Variants in PTPRF observed in about 807,000 individuals in gnomAD.
PTPRF encodes the protein receptor-type tyrosine-protein phosphatase F.
In PTPRF, 59 loss-of-function variants were observed where a neutral mutation model predicts 201.8. The ratio of observed to expected loss-of-function variants is 0.29; its 90% CI spans 0.24 to 0.36. The LOEUF (loss-of-function observed/expected upper bound fraction) is 0.36. PTPRF is among the 10% of genes least tolerant of loss of function. PTPRF has a pLI of 1.00. For missense variants in PTPRF, 2,132 were observed against 2,690.5 expected (o/e 0.79, Z 4.59); for synonymous variants, 1,088 against 1,089.7 (o/e 1.00, Z 0.03).
At chr1:43,562,149 C>G (rs1645848680) in intron 5 of PTPRF, among the ~76,000 whole-genome samples, 1 of 151,928 alleles carries the variant, frequency 6.6e-6, no homozygotes, top group Non-Finnish European at 1.5e-5. Context: ...GACTCTGTGG[C>G]CCAGACTGGA....
chr1:43,620,674 C>T, intron 31 of PTPRF, 95 bp downstream of exon 31: 1 of 1,556,330 alleles, frequency 6.4e-7, no homozygotes, highest in South Asian at 1.2e-5. Context: ...CTTCAGAAAT[C>T]TGAGGCGGTG....
intron 11 of PTPRF, among the ~76,000 whole-genome samples, chr1:43,595,120 G>C (rs533768323): frequency 3.3e-5 from 5 of 152,184 alleles, no homozygotes; most frequent in Non-Finnish European, 7.3e-5. Flanking sequence ...AAGCCTAGAC[G>C]TTGCCAGAAA....
chr1:43,553,448 A>G lies in PTPRF; in HGVS notation c.92-44A>G, dbSNP rs981632439. 3.8e-6 allele frequency: 6 copies of G among 1,594,176 alleles called. No individual in the cohort carries two copies. Among genetic ancestry groups the G allele is most frequent in the Middle Eastern group, 1.7e-4 (1 of 6,002 alleles). The stretch of plus-strand genomic sequence containing the variant: ...GCCACCTTCCTCACTGGCCATTCCT[A>G]TAGTGACTGTGCTGTGGTGACTTGG... On this transcript the variant is annotated intron_variant, in intron 3 of 33. Coordinates refer to ENST00000359947, the MANE Select transcript of PTPRF (RefSeq NM_002840.5). This position sits in a 1 kb window ranked among gnomAD's most constrained non-coding sequence, Gnocchi z 4.1.
rs1192862011 is a variant in PTPRF at position 43,577,253 on chromosome 1, G to A, written c.569-1557G>A. ...CTCGACCCCTCAGCGGCCTGAACCC[G>A]ACCTGCTTGAAGGAACATTTTCTGT... On this transcript the variant is annotated intron_variant, in intron 6 of 33. Coordinates refer to ENST00000359947, the MANE Select transcript of PTPRF (RefSeq NM_002840.5). Among the ~76,000 whole-genome samples, 17 of 152,226 alleles carry A rather than the reference G, an allele frequency of 1.1e-4. No individual in the cohort carries two copies. The East Asian group carries it at 1.7e-3, about 16-fold the overall frequency.
At position 43,591,128 on chromosome 1, in the gene PTPRF, T is replaced by C; in HGVS notation, c.1106T>C (p.Val369Ala). 6.2e-7 allele frequency: 1 copy of C among 1,613,696 alleles called. No homozygotes were observed. Among genetic ancestry groups the C allele is most frequent in the Non-Finnish European group, 8.5e-7 (1 of 1,180,030 alleles). Residue 369 changes from valine to alanine, a missense_variant, in exon 9 of 34, where the codon GTG becomes GCG. Physicochemically the swap from Val to Ala is moderately conservative, Grantham distance 64. This residue lies in a region of PTPRF where 351 missense variants were observed against 401.7 expected (regional missense o/e 0.87). Coordinates refer to ENST00000359947, the MANE Select transcript of PTPRF (RefSeq NM_002840.5). ...TEGPFQEVDGVATTRYSIGGL... is the reference protein window; with the variant it reads ...TEGPFQEVDGAATTRYSIGGL... Reference sequence around the variant, plus strand: ...GGCCCCTTTCAGGAGGTGGATGGTGTGGCCACCACCCGCTACAGCATTGGC... The same window carrying C: ...GGCCCCTTTCAGGAGGTGGATGGTGCGGCCACCACCCGCTACAGCATTGGC...
At chr1:43,615,713 C>T (rs1000718765) in intron 23 of PTPRF, among the ~76,000 whole-genome samples, 6 of 151,834 alleles carry the variant, frequency 4.0e-5, no homozygotes, top group African/African-American at 1.2e-4. Context: ...ACTACAGGTG[C>T]CCGCTACCAC....
intron 25 of PTPRF, 88 bp downstream of exon 25, chr1:43,617,999 C>A: frequency 7.2e-7 from 1 of 1,390,368 alleles, no homozygotes; most frequent in East Asian, 2.5e-5. Flanking sequence ...CCGCTTTCTT[C>A]TGTGGAGGAA....
chr1:43,613,821 G>A lies in PTPRF; in HGVS notation c.4071+106G>A, dbSNP rs944295952. The A allele has an allele frequency of 6.2e-6, 6 of 967,594 alleles. No individual in the cohort carries two copies. The East Asian group carries it at 1.5e-4, about 25-fold the overall frequency. 59.9% of individuals were successfully genotyped at this position (967,594 alleles called of 1,614,324 possible). ...TGGTGGGTGAGGAAGCAGGGGTCCA[G>A]CTTTTTCAGGAGCACAGAGAGGAGG... On this transcript the variant is annotated intron_variant, in intron 23 of 33. Coordinates refer to ENST00000359947, the MANE Select transcript of PTPRF (RefSeq NM_002840.5).
upstream of PTPRF, among the ~76,000 whole-genome samples, chr1:43,524,902 C>T (rs534850448): frequency 2.9e-4 from 44 of 152,276 alleles, no homozygotes; most frequent in South Asian, 4.1e-4. Context: ...ACAGAGAGTG[C>T]GGTTCCAAGC....
chr1:43,555,808 A>C (rs1165598274), intron 5 of PTPRF, among the ~76,000 whole-genome samples: 1 of 152,172 alleles, frequency 6.6e-6, no homozygotes, highest in Non-Finnish European at 1.5e-5. Context: ...TTATTTAGCC[A>C]TTCCCTTATT....
upstream of PTPRF, among the ~76,000 whole-genome samples, chr1:43,529,459 C>G (rs979433678): frequency 6.6e-6 from 1 of 152,216 alleles, no homozygotes; most frequent in Non-Finnish European, 1.5e-5. Flanking sequence ...GGCACCTCAA[C>G]GATCTCCAAA....
chr1:43,583,072 C>T (rs1648153857), intron 7 of PTPRF: 6 of 985,688 alleles, frequency 6.1e-6, no homozygotes, highest in Non-Finnish European at 7.2e-6. Context: ...CCCAAACTCT[C>T]ATCTCTCAGA....
rs1300227430 is a variant in PTPRF, at chr1:43,605,548, G to A, written c.3409G>A (p.Val1137Met). 6.2e-7 allele frequency: 1 copy of A among 1,614,136 alleles called. No individual in the cohort carries two copies. ...SLVRWFYIVV[V>M]PIDRVGGSML... Reference sequence around the variant, plus strand: ...ACCCAGGTGGTTCTACATTGTTGTGGTGCCCATTGACCGTGTGGGCGGGAG... The same window carrying A: ...ACCCAGGTGGTTCTACATTGTTGTGATGCCCATTGACCGTGTGGGCGGGAG... The change falls in exon 19 of 34, where the codon GTG becomes ATG. Residue 1137 changes from valine to methionine, a missense_variant. Physicochemically the swap from Val to Met is conservative, Grantham distance 21. This residue lies in a region of PTPRF where 818 missense variants were observed against 915.3 expected (regional missense o/e 0.89). Transcript: ENST00000359947.
chr1:43,605,447 T>G lies in PTPRF; in HGVS notation c.3389+4T>G, dbSNP rs1205555411. 5 of 1,609,784 alleles carry G rather than the reference T, an allele frequency of 3.1e-6. No individual in the cohort carries two copies. Among genetic ancestry groups the G allele is most frequent in the Non-Finnish European group, 4.3e-6 (5 of 1,176,450 alleles). On this transcript the variant is annotated splice_donor_region_variant and intron_variant, in intron 18 of 33. Transcript: ENST00000359947. ...TGCAAGACCCCTCGCTTGTCAGGTG[T>G]GCACACGAGGTATCGGGGGAGGCGG...
chr1:43,616,036 A>G (rs1657777555), intron 23 of PTPRF, among the ~76,000 whole-genome samples: 1 of 151,964 alleles, frequency 6.6e-6, no homozygotes, highest in Non-Finnish European at 1.5e-5. Context: ...CCTGGTGTTG[A>G]ATAGTACCGA....
chr1:43,619,448 G>T lies in PTPRF; in HGVS notation c.4807G>T (p.Ala1603Ser), dbSNP rs558223872. 5 of 1,614,106 alleles carry T rather than the reference G, an allele frequency of 3.1e-6. No homozygotes were observed. The Admixed American group carries it at 8.3e-5, about 27-fold the overall frequency. The change falls in exon 28 of 34, where the codon GCG becomes TCG. Residue 1603 changes from alanine to serine, a missense_variant. Coordinates refer to ENST00000359947, the MANE Select transcript of PTPRF (RefSeq NM_002840.5). ...GGACCAGTACGTGTTCATCCATGAG[G>T]CGCTGCTGGAGGCTGCCACGTGCGG... ...TEDQYVFIHEALLEAATCGHT... is the reference protein window; with the variant it reads ...TEDQYVFIHESLLEAATCGHT...
At position 43,617,725 on chromosome 1, in the gene PTPRF, C is replaced by T. The variant is rs760108677; in HGVS notation, c.4196-11C>T. 2 of 1,609,794 alleles carry T rather than the reference C, an allele frequency of 1.2e-6. No homozygotes were observed. The highest frequency in any genetic ancestry group is 1.1e-5 in the South Asian group (1 of 90,834). ...GTAGTAATGCCCTCCCACCTCCTTT[C>T]TTATCCATAGGCGTCCCCGGGAGTG... On this transcript the variant is annotated splice_polypyrimidine_tract_variant and intron_variant, in intron 24 of 33. Transcript: ENST00000359947.
intron 12 of PTPRF, 140 bp downstream of exon 12, chr1:43,598,193 G>A: frequency 2.2e-6 from 2 of 907,744 alleles, no homozygotes; most frequent in South Asian, 2.3e-5. Context: ...TAAAGTGGGG[G>A]GATGTCACTT....
At chr1:43,536,530 G>T (rs771181783) in intron 1 of PTPRF, among the ~76,000 whole-genome samples, 56 of 152,280 alleles carry the variant, frequency 3.7e-4, no homozygotes, top group Non-Finnish European at 3.1e-4. Context: ...GGCCAGCTTG[G>T]GGGGCCTTTC....
Sources: gnomAD v4.1 joint callset for allele counts (sites outside exome capture counted in the v4.1 genomes callset) on GRCh38, gnomAD v4.1.1 for gene constraint, gnomAD v4.1.1 regional missense constraint, Gnocchi (gnomAD v3.1) non-coding constraint, MANE v1.5 for transcripts, NCBI Gene and HGNC (gene_info 2026-07-23, HGNC 2026-07-21) for gene names.